Variants in DENND6A observed in about 807,000 individuals in gnomAD.
The protein encoded by DENND6A is protein DENND6A.
DENND6A carries 43 observed loss-of-function variants against 95.5 expected under a neutral mutation model. The ratio of observed to expected loss-of-function variants is 0.45; its 90% CI spans 0.35 to 0.58. DENND6A has a LOEUF of 0.58. Ranked by LOEUF, DENND6A falls within the 20% of genes least tolerant of loss-of-function variation. The pLI, the probability that DENND6A is intolerant of heterozygous loss-of-function variation, is 0.00. For missense variants in DENND6A, 574 were observed against 736.0 expected, an observed-to-expected ratio of 0.78 and a Z score of 2.55; for synonymous variants, 257 against 260.4, an observed-to-expected ratio of 0.99 and a Z score of 0.13.
intron 1 of DENND6A, among the ~76,000 whole-genome samples, chr3:57,680,461 T>C (rs113135655): frequency 2.7e-5 from 4 of 150,144 alleles, no homozygotes; most frequent in African/African-American, 9.7e-5. Context: ...CTCTCCACCA[T>C]GCAAAGACAC....
chr3:57,665,807 GAT>G lies in DENND6A; in HGVS notation c.432+314_432+315del, dbSNP rs1475217242. 3.3e-5 allele frequency among the ~76,000 whole-genome samples: 5 copies of G among 152,156 alleles called. 1 individual carries two copies. The highest frequency in any genetic ancestry group is 6.5e-5 in the Admixed American group (1 of 15,276). On this transcript the variant is annotated intron_variant, in intron 4 of 19. Transcript: ENST00000311128. ...AAGTATGACTACCTCAACTCTAGAT[GAT>G]AGTTACTGTACAGTACAACTCCACT... is the stretch of plus-strand genomic sequence containing the variant.
chr3:57,639,542 TA>T (rs901713009), intron 12 of DENND6A, among the ~76,000 whole-genome samples: 11 of 152,196 alleles, frequency 7.2e-5, no homozygotes, highest in African/African-American at 2.4e-4. Flanking sequence ...AATTAAGATT[TA>T]AAAAAATTTA....
chr3:57,676,152 C>G (rs1275992178), intron 1 of DENND6A, among the ~76,000 whole-genome samples: 1 of 151,808 alleles, frequency 6.6e-6, no homozygotes, highest in African/African-American at 2.4e-5. Context: ...CCGGGGTGGG[C>G]AGGTCACTTG....
At chr3:57,668,618 A>C (rs2071563916) in intron 3 of DENND6A, among the ~76,000 whole-genome samples, 1 of 152,144 alleles carries the variant, frequency 6.6e-6, no homozygotes, top group South Asian at 2.1e-4. Context: ...AACCAACCAA[A>C]CAAAGCTTTT....
Position 57,692,759 on chromosome 3 carries a change from G to C in DENND6A, c.237+23C>G, listed in dbSNP as rs369535807. 3.9e-4 allele frequency: 557 copies of C among 1,442,944 alleles called. 2 individuals are homozygous for C. Among genetic ancestry groups the C allele is most frequent in the Non-Finnish European group, 3.4e-4 (379 of 1,102,512 alleles). The allele number at this position is 1,442,944 out of a possible 1,614,324, so 89.4% of individuals were successfully genotyped here. On this transcript the variant is annotated intron_variant, in intron 1 of 19. Transcript: ENST00000311128. ...CCCCGGCGCAGGGGAGGAGCGCCGA[G>C]AAAGGGCGGGGCCGGGCCTCACCTC...
chr3:57,692,115 CTACTCGGGAGGCTGAGGCAGG>C (rs2077271910), intron 1 of DENND6A, among the ~76,000 whole-genome samples: 1 of 151,214 alleles, frequency 6.6e-6, no homozygotes, highest in East Asian at 2.0e-4. Context: ...GTAACCCCAG[CTACTCGGGAGGCTGAGGCAGG>C]AGAATTGCCT....
At chr3:57,692,600 C>G (rs938406863) in intron 1 of DENND6A, among the ~76,000 whole-genome samples, 182 bp downstream of exon 1, 1 of 152,224 alleles carries the variant, frequency 6.6e-6, no homozygotes, top group Non-Finnish European at 1.5e-5. Context: ...AGCCGCAGCC[C>G]AAGATCCTCC....
chr3:57,662,890 G>A (rs1362962621), intron 5 of DENND6A, among the ~76,000 whole-genome samples: 1 of 151,894 alleles, frequency 6.6e-6, no homozygotes, highest in Non-Finnish European at 1.5e-5. Flanking sequence ...AAGTCGAGGT[G>A]GGTGGATCAC....
chr3:57,680,100 TA>T (rs1289142251), intron 1 of DENND6A, among the ~76,000 whole-genome samples: 3 of 152,080 alleles, frequency 2.0e-5, no homozygotes, highest in African/African-American at 7.2e-5. Context: ...AAATAAAGTT[TA>T]AAAAAATAAC....
rs914683515 is a variant in DENND6A at position 57,658,609 on chromosome 3, G to A, written c.762+509C>T. ...TACTCCCATTAATACTGGTTGATAT[G>A]TAACAGAAATACTAGTTTTCCTACT... On this transcript the variant is annotated intron_variant, in intron 8 of 19. Transcript: ENST00000311128. Among the ~76,000 whole-genome samples the A allele has an allele frequency of 2.6e-5, 4 of 152,306 alleles. No individual in the cohort carries two copies. The East Asian group carries it at 7.7e-4, about 29-fold the overall frequency.
chr3:57,634,963 C>G (rs780613081), intron 12 of DENND6A, among the ~76,000 whole-genome samples, 194 bp from the exon 13 acceptor site: 1 of 152,104 alleles, frequency 6.6e-6, no homozygotes, highest in Non-Finnish European at 1.5e-5. Context: ...ATTACTACAA[C>G]AGTACAGAAA....
chr3:57,654,491 G>T (rs774944662), intron 9 of DENND6A: 1 of 392,858 alleles, frequency 2.5e-6, no homozygotes, highest in Non-Finnish European at 3.5e-6. Flanking sequence ...TCACAATAGG[G>T]AACAGGGGAG....
chr3:57,651,045 A>G (rs1368231166), intron 9 of DENND6A, among the ~76,000 whole-genome samples: 44 of 152,168 alleles, frequency 2.9e-4, no homozygotes, highest in Non-Finnish European at 2.9e-5. Context: ...TGGCCTCCCA[A>G]AGTGCTTGGA....
Position 57,692,988 on chromosome 3 carries a change from G to A in DENND6A, c.31C>T (p.Pro11Ser). MALRGPAGLG[P>S]GSRRPLDEAV... is the part of the protein sequence containing the mutation. Reference sequence around the variant, plus strand: ...TCGTCCAACGGCCTTCGAGAGCCGGGCCCCAAGCCCGCAGGGCCCCTCAAA... The same window carrying A: ...TCGTCCAACGGCCTTCGAGAGCCGGACCCCAAGCCCGCAGGGCCCCTCAAA... Residue 11 changes from proline to serine, a missense_variant, in exon 1 of 20, where the codon CCC (proline) becomes TCC (serine). Transcript: ENST00000311128. 3.3e-6 allele frequency: 5 copies of A among 1,515,602 alleles called. No homozygotes were observed. The highest frequency in any genetic ancestry group is 4.4e-6 in the Non-Finnish European group (5 of 1,141,788). The allele number at this position is 1,515,602 out of a possible 1,614,324, so 93.9% of individuals were successfully genotyped here.
Position 57,693,019 on chromosome 3 carries a change from C to A in DENND6A, c.-1G>T, listed in dbSNP as rs1395371971. On this transcript the variant is annotated 5_prime_UTR_variant, in exon 1 of 20. Transcript: ENST00000311128. ...AGCCCGCAGGGCCCCTCAAAGCCATCGGCCGCCCCCTGACCGTTCGCGCCG... is the reference window on the plus strand; with the variant it reads ...AGCCCGCAGGGCCCCTCAAAGCCATAGGCCGCCCCCTGACCGTTCGCGCCG... 1.4e-6 allele frequency: 2 copies of A among 1,459,750 alleles called. No homozygotes were observed. The highest frequency in any genetic ancestry group is 1.8e-6 in the Non-Finnish European group (2 of 1,118,536). 90.4% of individuals were successfully genotyped at this position (1,459,750 alleles called of 1,614,324 possible). A position where few individuals can be genotyped will look rare whatever the true frequency, so the allele number is the denominator to read the frequency against.
At chr3:57,674,049 C>T (rs988056454) in intron 1 of DENND6A, among the ~76,000 whole-genome samples, 3 of 151,740 alleles carry the variant, frequency 2.0e-5, no homozygotes, top group Admixed American at 1.3e-4. Context: ...GGATTTCAGG[C>T]GTGAGCCACC....
chr3:57,683,981 C>T (rs2077188861), intron 1 of DENND6A, among the ~76,000 whole-genome samples: 1 of 151,860 alleles, frequency 6.6e-6, no homozygotes, highest in Admixed American at 6.6e-5. Flanking sequence ...GGTGAAACCC[C>T]ATCTCTACTA....
chr3:57,679,144 T>C lies in DENND6A; in HGVS notation c.238-6706A>G, dbSNP rs563167601. ...CAAAACAAAATGATACCCAGTCTTT[T>C]GGTATTTTGTTATAGTAGCCATAGC... On this transcript the variant is annotated intron_variant, in intron 1 of 19. Transcript: ENST00000311128. Among the ~76,000 whole-genome samples, 274 of 152,344 alleles carry C rather than the reference T, an allele frequency of 1.8e-3. 1 individual carries two copies. The highest frequency in any genetic ancestry group is 0.017 in the Middle Eastern group (5 of 294).
intron 5 of DENND6A, among the ~76,000 whole-genome samples, 171 bp downstream of exon 5, chr3:57,663,463 CAA>C (rs1189672713): frequency 3.9e-5 from 2 of 51,940 alleles, no homozygotes; most frequent in African/African-American, 9.7e-5. Context: ...GACTCCACCT[CAA>C]AAAAAAAAAA....
Sources: gnomAD v4.1 joint callset for allele counts (sites outside exome capture counted in the v4.1 genomes callset) on GRCh38, gnomAD v4.1.1 for gene constraint, MANE v1.5 for transcripts, NCBI Gene and HGNC (gene_info 2026-07-23, HGNC 2026-07-21) for gene names.